Variants in KIRREL3 observed in about 807,000 individuals in gnomAD.
KIRREL3 encodes the protein kin of IRRE-like protein 3.
A neutral mutation model predicts 89.7 loss-of-function variants in KIRREL3; 36 were observed. The ratio of observed to expected loss-of-function variants is 0.40; its 90% CI spans 0.31 to 0.53. The LOEUF is 0.53. Among genes scored for constraint, KIRREL3 ranks in the 20% least tolerant of loss-of-function variants. The probability of loss-of-function intolerance (pLI) is 0.49; values close to 1 mark genes in which losing one functional copy is unlikely to be tolerated. For synonymous variants in KIRREL3, 445 were observed against 441.4 expected, an observed-to-expected ratio of 1.01 and a Z score of -0.10; for missense variants, 864 against 1,056.6, an observed-to-expected ratio of 0.82 and a Z score of 2.53.
At chr11:126,922,017 C>CCTATCTATCTTCCTAT (rs1202331981) in intron 1 of KIRREL3, among the ~76,000 whole-genome samples, 8 of 121,892 alleles carry the variant, frequency 6.6e-5, no homozygotes, top group Admixed American at 1.5e-4. Context: ...CATCTATCTT[C>CCTATCTATCTTCCTAT]CTATCTATCT....
chr11:126,528,485 A>T lies in KIRREL3; in HGVS notation c.134-1798T>A, dbSNP rs942709554. ...CTGGGGACAGGCAGGAAGGTGGCCG[A>T]GTTCACAACCTGACAAGATCTTGGC... On this transcript the variant is annotated intron_variant, in intron 2 of 16. Transcript: ENST00000525144. This position sits in a 1 kb window ranked among gnomAD's most constrained non-coding sequence, Gnocchi z 4.6. Among the ~76,000 whole-genome samples the T allele has an allele frequency of 2.0e-5, 3 of 152,236 alleles. No homozygotes were observed. Among genetic ancestry groups the T allele is most frequent in the Non-Finnish European group, 4.4e-5 (3 of 68,038 alleles).
intron 4 of KIRREL3, among the ~76,000 whole-genome samples, chr11:126,502,336 G>C (rs1957889623): frequency 6.6e-6 from 1 of 152,196 alleles, no homozygotes. Context: ...TGTCCTGGCT[G>C]TGCTGCCCAC....
At chr11:126,881,796 C>T (rs58465994) in intron 1 of KIRREL3, among the ~76,000 whole-genome samples, 19,697 of 152,064 alleles carry the variant, frequency 0.13, 1,618 homozygotes, top group East Asian at 0.25. Context: ...GATCTGCCTT[C>T]CTCAGCCTCC....
intron 5 of KIRREL3, among the ~76,000 whole-genome samples, chr11:126,470,790 G>A (rs1046129437): frequency 6.6e-6 from 1 of 152,126 alleles, no homozygotes; most frequent in South Asian, 2.1e-4. Context: ...AGGAATTGTG[G>A]TTCCAGGCCT....
At chr11:126,868,965 C>T (rs1945013065) in intron 1 of KIRREL3, among the ~76,000 whole-genome samples, 1 of 151,966 alleles carries the variant, frequency 6.6e-6, no homozygotes, top group Non-Finnish European at 1.5e-5. Flanking sequence ...AGCACTAATC[C>T]CATTCATAAA....
intron 1 of KIRREL3, among the ~76,000 whole-genome samples, chr11:126,919,579 G>A (rs1947186944): frequency 1.3e-5 from 2 of 152,212 alleles, no homozygotes; most frequent in Admixed American, 1.3e-4. Context: ...GTAGATAACA[G>A]AGCTGGGGTT....
intron 1 of KIRREL3, among the ~76,000 whole-genome samples, chr11:126,854,059 T>C (rs1944426212): frequency 6.6e-6 from 1 of 151,992 alleles, no homozygotes; most frequent in Non-Finnish European, 1.5e-5. Flanking sequence ...GGATCTTTTT[T>C]TTTTCTTTTT....
intron 4 of KIRREL3, among the ~76,000 whole-genome samples, chr11:126,510,838 G>C (rs1226039032): frequency 6.6e-6 from 1 of 152,190 alleles, no homozygotes; most frequent in East Asian, 1.9e-4. Context: ...GCCAAGGATT[G>C]GGTCTGGTGC....
Position 126,978,525 on chromosome 11 carries a change from T to C in KIRREL3, c.55+21930A>G, listed in dbSNP as rs1178665551. ...TACGTGCCCTGGCCAGAAAGCTTTT[T>C]GGCTTCCAGGTCTATGCCCAGTGCA... On this transcript the variant is annotated intron_variant, in intron 1 of 16. Coordinates refer to ENST00000525144, the MANE Select transcript of KIRREL3 (RefSeq NM_032531.4). The surrounding 1 kb of genome is among the most constrained non-coding windows in gnomAD (Gnocchi z 4.2). 6.6e-6 allele frequency among the ~76,000 whole-genome samples: 1 copy of C among 152,348 alleles called. No homozygotes were observed. The highest frequency in any genetic ancestry group is 1.9e-4 in the East Asian group (1 of 5,182).
chr11:126,573,768 A>G (rs1941099688), intron 1 of KIRREL3, among the ~76,000 whole-genome samples: 1 of 152,194 alleles, frequency 6.6e-6, no homozygotes, highest in Non-Finnish European at 1.5e-5. Flanking sequence ...TTTGTCTTCA[A>G]AAACAAGAAA....
intron 1 of KIRREL3, among the ~76,000 whole-genome samples, chr11:126,567,658 A>G (rs1471712040): frequency 1.3e-5 from 2 of 152,162 alleles, no homozygotes; most frequent in African/African-American, 4.8e-5. Context: ...ATCTGTTGGG[A>G]GTGGCGGCCA....
chr11:126,559,939 T>C (rs1939990942), intron 2 of KIRREL3, among the ~76,000 whole-genome samples: 1 of 152,176 alleles, frequency 6.6e-6, no homozygotes, highest in Non-Finnish European at 1.5e-5. Flanking sequence ...TGCCTTGGCC[T>C]CTCAGAGTGC....
In KIRREL3 at chr11:126,608,208, A is replaced by G. The variant is rs1942968317; in HGVS notation, c.56-45296T>C. 6.6e-6 allele frequency among the ~76,000 whole-genome samples: 1 copy of G among 152,114 alleles called. No homozygotes were observed. Among genetic ancestry groups the G allele is most frequent in the Non-Finnish European group, 1.5e-5 (1 of 68,006 alleles). The stretch of plus-strand genomic sequence containing the variant: ...TGGGCCAGGACAGGTGGGAGAGAAA[A>G]GCAGGAGGCAGCTGAAGGGGGCGGT... On this transcript the variant is annotated intron_variant, in intron 1 of 16. Coordinates refer to ENST00000525144, the MANE Select transcript of KIRREL3 (RefSeq NM_032531.4). The surrounding 1 kb of genome is among the most constrained non-coding windows in gnomAD (Gnocchi z 4.9).
In KIRREL3 at chr11:126,752,039, C is replaced by T. The variant is rs1210866973; in HGVS notation, c.56-189127G>A. 6.6e-6 allele frequency among the ~76,000 whole-genome samples: 1 copy of T among 152,160 alleles called. No homozygotes were observed. Among genetic ancestry groups the T allele is most frequent in the Non-Finnish European group, 1.5e-5 (1 of 68,028 alleles). ...GTTTAGAGTAAGAAAGAACTGGCTT[C>T]AAATTCCAGCTCTGCCTTGGTGTGT... On this transcript the variant is annotated intron_variant, in intron 1 of 16. Transcript: ENST00000525144. This position sits in a 1 kb window ranked among gnomAD's most constrained non-coding sequence, Gnocchi z 4.8.
chr11:126,774,936 A>G (rs1022118233), intron 1 of KIRREL3, among the ~76,000 whole-genome samples: 2 of 152,162 alleles, frequency 1.3e-5, no homozygotes, highest in African/African-American at 4.8e-5. Flanking sequence ...GACATTGCCT[A>G]TAAGCTGCTC....
At position 126,639,630 on chromosome 11, in the gene KIRREL3, C is replaced by T. The variant is rs916937556; in HGVS notation, c.56-76718G>A. 3.3e-5 allele frequency among the ~76,000 whole-genome samples: 5 copies of T among 152,334 alleles called. No individual in the cohort carries two copies. Among genetic ancestry groups the T allele is most frequent in the Non-Finnish European group, 4.4e-5 (3 of 68,040 alleles). On this transcript the variant is annotated intron_variant, in intron 1 of 16. Coordinates refer to ENST00000525144, the MANE Select transcript of KIRREL3 (RefSeq NM_032531.4). This position sits in a 1 kb window ranked among gnomAD's most constrained non-coding sequence, Gnocchi z 4.3. ...TCGGCTAATCCTGACTCTATTCTTT[C>T]GTCTGCTCTGCTAGCTGGCCCTACT...
At chr11:126,494,189 C>T (rs990650137) in intron 4 of KIRREL3, among the ~76,000 whole-genome samples, 8 of 152,016 alleles carry the variant, frequency 5.3e-5, no homozygotes, top group Admixed American at 1.3e-4. Flanking sequence ...TTCTCTCAGT[C>T]GAAAATGAGA....
In KIRREL3 at chr11:126,764,000, C is replaced by T. The variant is rs1592091976; in HGVS notation, c.56-201088G>A. ...CCCTCCCCATCCACAGCATAGTTCT[C>T]CCATCATTCCTTCTTTGTAGAGGGC... On this transcript the variant is annotated intron_variant, in intron 1 of 16. Transcript: ENST00000525144. This position sits in a 1 kb window ranked among gnomAD's most constrained non-coding sequence, Gnocchi z 4.7. Among the ~76,000 whole-genome samples the T allele has an allele frequency of 6.6e-6, 1 of 152,158 alleles. No homozygotes were observed. Among genetic ancestry groups the T allele is most frequent in the South Asian group, 2.1e-4 (1 of 4,820 alleles).
chr11:126,667,927 A>C (rs1306061345), intron 1 of KIRREL3, among the ~76,000 whole-genome samples: 1 of 152,098 alleles, frequency 6.6e-6, no homozygotes, highest in Non-Finnish European at 1.5e-5. Context: ...GAGCTCTTGC[A>C]TCTTGGAGAA....
Sources: allele counts gnomAD v4.1 joint callset (sites outside exome capture counted in the v4.1 genomes callset), GRCh38; gene constraint gnomAD v4.1.1; non-coding constraint Gnocchi (gnomAD v3.1); transcripts MANE v1.5; gene names NCBI Gene and HGNC (gene_info 2026-07-23, HGNC 2026-07-21).